MGST1: variants seen among roughly 807,000 people sequenced by gnomAD.
MGST1 encodes glutathione S-transferase 12.
MGST1 carries 5 observed loss-of-function variants against 8.9 expected under a neutral mutation model. The ratio of observed to expected loss-of-function variants is 0.56; its 90% CI spans 0.29 to 1.19. The LOEUF (loss-of-function observed/expected upper bound fraction) is 1.19. Among genes scored for constraint, MGST1 ranks in the 50% most tolerant of loss-of-function variants. MGST1 has a pLI of 0.08. For missense variants in MGST1, 182 were observed against 187.4 expected (o/e 0.97, Z 0.17); for synonymous variants, 54 against 67.8 (o/e 0.80, Z 1.00).
At chr12:16,558,956 T>A (rs1271017650) in intron 4 of MGST1, among the ~76,000 whole-genome samples, 1 of 152,162 alleles carries the variant, frequency 6.6e-6, no homozygotes, top group Admixed American at 6.5e-5. Context: ...TTAAGTAACA[T>A]ACTCAAGATC....
chr12:16,399,663 G>C (rs1940635954), intron 1 of MGST1: 1 of 1,561,960 alleles, frequency 6.4e-7, no homozygotes, highest in African/African-American at 1.4e-5. Context: ...CTCCAGAAAA[G>C]ACCAGACACC....
rs369569177 is a variant in MGST1, at chr12:16,389,474, C to T, written n.778+5870C>T. Among the ~76,000 whole-genome samples the T allele has an allele frequency of 5.9e-5, 9 of 152,246 alleles. No homozygotes were observed. Among genetic ancestry groups the T allele is most frequent in the East Asian group, 5.8e-4 (3 of 5,172 alleles). ...CATGGGTCGGGTCAAATTGACGGCA[C>T]GGAACATTGCTTACTCTTGAAATTC... On this transcript the variant is annotated intron_variant and non_coding_transcript_variant, in intron 1 of 1. Coordinates refer to the MGST1 transcript ENST00000359720. The surrounding 1 kb of genome is among the most constrained non-coding windows in gnomAD (Gnocchi z 4.6).
chr12:16,419,802 T>A (rs1591722508), intron 1 of MGST1, among the ~76,000 whole-genome samples: 1 of 152,134 alleles, frequency 6.6e-6, no homozygotes, highest in African/African-American at 2.4e-5. Flanking sequence ...TTCAGTGATA[T>A]GGAGACGGAT....
intron 1 of MGST1, among the ~76,000 whole-genome samples, chr12:16,432,731 C>CACACACAGAGAGAG (rs775306657): frequency 2.0e-4 from 26 of 132,752 alleles, no homozygotes; most frequent in Non-Finnish European, 3.5e-4. Flanking sequence ...CACACACACA[C>CACACACAGAGAGAG]AGAGAGAGAG....
chr12:16,579,014 C>T (rs1943079889), intron 4 of MGST1, among the ~76,000 whole-genome samples: 1 of 152,164 alleles, frequency 6.6e-6, no homozygotes, highest in Non-Finnish European at 1.5e-5. Flanking sequence ...TTTGTACACA[C>T]TCTTGACAGA....
At chr12:16,590,544 G>A (rs1943461082), downstream of MGST1, among the ~76,000 whole-genome samples, 1 of 151,848 alleles carries the variant, frequency 6.6e-6, no homozygotes, top group Non-Finnish European at 1.5e-5. Flanking sequence ...GACTTCAAGA[G>A]TAGAAAATTA....
chr12:16,421,029 T>C (rs991808537), intron 1 of MGST1, among the ~76,000 whole-genome samples: 6 of 152,074 alleles, frequency 3.9e-5, no homozygotes, highest in Admixed American at 2.6e-4. Flanking sequence ...TTGTCTCTCT[T>C]CTCTCCTATC....
intron 4 of MGST1, among the ~76,000 whole-genome samples, chr12:16,465,350 T>A (rs1296777699): frequency 1.3e-5 from 2 of 152,226 alleles, no homozygotes; most frequent in African/African-American, 4.8e-5. Flanking sequence ...ACAACCTATA[T>A]TTGAAGGCCT....
At chr12:16,445,999 G>C (rs188404321) in intron 4 of MGST1, among the ~76,000 whole-genome samples, 1 of 151,876 alleles carries the variant, frequency 6.6e-6, no homozygotes, top group African/African-American at 2.4e-5. Context: ...ACTCTAATTG[G>C]CATGTATGTC....
chr12:16,426,120 C>G (rs1033870880), intron 1 of MGST1, among the ~76,000 whole-genome samples: 1 of 152,086 alleles, frequency 6.6e-6, no homozygotes, highest in Non-Finnish European at 1.5e-5. Flanking sequence ...CACTTTATAC[C>G]CTGCTCAACA....
chr12:16,378,280 G>A (rs1322457578), downstream of MGST1, among the ~76,000 whole-genome samples: 1 of 151,948 alleles, frequency 6.6e-6, no homozygotes, highest in Non-Finnish European at 1.5e-5. Flanking sequence ...ATGGTTTTAG[G>A]TCTAACATGT....
rs534351649 is a variant in MGST1, at chr12:16,458,782, C to T, written n.482+75178C>T. On this transcript the variant is annotated intron_variant and non_coding_transcript_variant, in intron 4 of 4. Coordinates refer to the MGST1 transcript ENST00000538857. The surrounding 1 kb of genome is among the most constrained non-coding windows in gnomAD (Gnocchi z 4.0). ...CCTGCTGCAGTGCTTTGCAGTTATT[C>T]GGAATTTTTATTCTTCTTTATTAGA... Among the ~76,000 whole-genome samples the T allele has an allele frequency of 2.2e-4, 34 of 152,062 alleles. No individual in the cohort carries two copies. Among genetic ancestry groups the T allele is most frequent in the East Asian group, 3.9e-4 (2 of 5,148 alleles).
chr12:16,585,103 A>T lies in MGST1; in HGVS notation n.483-4425A>T, dbSNP rs1046393851. The stretch of plus-strand genomic sequence containing the variant: ...AGCAACATTAGGCCCACATTCGTAC[A>T]GTGTGCTGGAATTAAGTCATGGCTT... On this transcript the variant is annotated intron_variant and non_coding_transcript_variant, in intron 4 of 4. Coordinates refer to the MGST1 transcript ENST00000538857. The surrounding 1 kb of genome is among the most constrained non-coding windows in gnomAD (Gnocchi z 4.7). 6.6e-6 allele frequency among the ~76,000 whole-genome samples: 1 copy of T among 152,182 alleles called. No individual in the cohort carries two copies. Among genetic ancestry groups the T allele is most frequent in the Non-Finnish European group, 1.5e-5 (1 of 68,038 alleles).
intron 1 of MGST1, among the ~76,000 whole-genome samples, chr12:16,406,728 A>C (rs1940700480): frequency 6.6e-6 from 1 of 152,166 alleles, no homozygotes; most frequent in South Asian, 2.1e-4. Flanking sequence ...AATGGAATAA[A>C]ATAGAGAACC....
chr12:16,567,041 G>T (rs1942642926), intron 4 of MGST1, among the ~76,000 whole-genome samples: 1 of 151,998 alleles, frequency 6.6e-6, no homozygotes, highest in Non-Finnish European at 1.5e-5. Flanking sequence ...CTAAAAATAT[G>T]AAAAATTAGC....
chr12:16,368,973 T>C (rs1940241253), downstream of MGST1, among the ~76,000 whole-genome samples: 1 of 152,136 alleles, frequency 6.6e-6, no homozygotes. Context: ...ACATAATTTT[T>C]AATGACCCAA....
rs1942359031 is a variant in MGST1 at position 16,560,433 on chromosome 12, T to C, written n.483-29095T>C. Reference sequence around the variant, plus strand: ...CTTACCTCTGATTACAAAGCTGACATGCAAAGCAGTCCAGGTGGTAAACAT... The same window carrying C: ...CTTACCTCTGATTACAAAGCTGACACGCAAAGCAGTCCAGGTGGTAAACAT... On this transcript the variant is annotated intron_variant and non_coding_transcript_variant, in intron 4 of 4. Coordinates refer to the MGST1 transcript ENST00000538857. The surrounding 1 kb of genome is among the most constrained non-coding windows in gnomAD (Gnocchi z 5.0). The C allele has an allele frequency of 5.6e-6, 9 of 1,613,842 alleles. No homozygotes were observed. Among genetic ancestry groups the C allele is most frequent in the Non-Finnish European group, 7.6e-6 (9 of 1,179,830 alleles).
At chr12:16,541,470 A>G (rs1303991770) in intron 4 of MGST1, among the ~76,000 whole-genome samples, 2 of 152,132 alleles carry the variant, frequency 1.3e-5, no homozygotes, top group African/African-American at 4.8e-5. Context: ...TACCTTTGCT[A>G]TTTCTCTGCA....
intron 1 of MGST1, among the ~76,000 whole-genome samples, chr12:16,417,596 T>C (rs911463690): frequency 1.3e-5 from 2 of 152,198 alleles, no homozygotes; most frequent in Non-Finnish European, 2.9e-5. Flanking sequence ...CCAAGTGTTA[T>C]GACTGCTGAT....
Sources: allele counts gnomAD v4.1 joint callset (sites outside exome capture counted in the v4.1 genomes callset), GRCh38; gene constraint gnomAD v4.1.1; non-coding constraint Gnocchi (gnomAD v3.1); transcripts MANE v1.5; gene names NCBI Gene and HGNC (gene_info 2026-07-23, HGNC 2026-07-21).